KIF5A: variants seen among roughly 807,000 people sequenced by gnomAD.
KIF5A encodes the protein kinesin heavy chain isoform 5A.
A neutral mutation model predicts 141.3 loss-of-function variants in KIF5A; 35 were observed. The observed-to-expected ratio is 0.25, with a 90% CI of 0.19 to 0.33. The LOEUF is 0.33. Ranked by LOEUF, KIF5A falls within the 10% of genes least tolerant of loss-of-function variation. The pLI is 1.00. For missense variants in KIF5A, 861 were observed against 1,314.3 expected (o/e 0.66, Z 5.33); for synonymous variants, 448 against 500.2 (o/e 0.90, Z 1.39).
intron 1 of KIF5A, among the ~76,000 whole-genome samples, chr12:57,551,872 GTCTCTCTCTCTC>G (rs57562029): frequency 1.2e-4 from 18 of 145,774 alleles, no homozygotes; most frequent in Non-Finnish European, 1.5e-4. Context: ...GATGCTTTTG[GTCTCTCTCTCTC>G]TCTCTCTCTC....
Position 57,564,909 on chromosome 12 carries a change from T to G in KIF5A, c.446-9T>G, listed in dbSNP as rs1882016889. ...CTAGTCTTGCTTACCCTGCATTCTT[T>G]TGATTCAGTGACCAAGACAAATCTG... On this transcript the variant is annotated splice_polypyrimidine_tract_variant and intron_variant, in intron 5 of 28. Transcript: ENST00000455537. The G allele has an allele frequency of 1.2e-6, 2 of 1,614,068 alleles. No individual in the cohort carries two copies. The highest frequency in any genetic ancestry group is 1.7e-6 in the Non-Finnish European group (2 of 1,179,948).
intron 13 of KIF5A, among the ~76,000 whole-genome samples, chr12:57,571,663 A>T (rs1882259442): frequency 6.6e-6 from 1 of 151,482 alleles, no homozygotes; most frequent in South Asian, 2.1e-4. Context: ...TCGATCTTCC[A>T]GGGTCAAGCA....
At chr12:57,553,329 A>T (rs535825959) in intron 1 of KIF5A, among the ~76,000 whole-genome samples, 2 of 152,270 alleles carry the variant, frequency 1.3e-5, no homozygotes, top group Admixed American at 1.3e-4. Flanking sequence ...CCCAATGGTT[A>T]AGTGGGTTCT....
intron 19 of KIF5A, 59 bp from the exon 20 acceptor site, chr12:57,576,701 TC>T: frequency 7.9e-7 from 1 of 1,261,320 alleles, no homozygotes; most frequent in East Asian, 2.3e-5. Flanking sequence ...GAGCTGGCCT[TC>T]CCTTCCCCCT....
chr12:57,569,853 C>T, intron 11 of KIF5A, 134 bp from the exon 12 acceptor site: 3 of 1,363,676 alleles, frequency 2.2e-6, no homozygotes, highest in Non-Finnish European at 3.0e-6. Flanking sequence ...GCCTGACTAC[C>T]TACCTCCCAT....
In KIF5A at chr12:57,575,285, G is replaced by A. The variant is rs1346949879; in HGVS notation, c.1905+13G>A. The A allele has an allele frequency of 2.5e-6, 4 of 1,611,666 alleles. No individual in the cohort carries two copies. In the African/African-American group the frequency reaches 4.0e-5, roughly 16 times the overall value. The stretch of plus-strand genomic sequence containing the variant: ...CCTCATCTCTCAGGTGAGTGCCTAA[G>A]TTTGAGAACCTTCAGATGCCATGGG... On this transcript the variant is annotated intron_variant, in intron 16 of 28. Coordinates refer to ENST00000455537, the MANE Select transcript of KIF5A (RefSeq NM_004984.4).
chr12:57,564,823 C>T, intron 5 of KIF5A, 95 bp from the exon 6 acceptor site: 1 of 1,191,904 alleles, frequency 8.4e-7, no homozygotes, highest in Non-Finnish European at 1.2e-6. Flanking sequence ...CTTCCTTTAG[C>T]ACAGAGAAGA....
In KIF5A at chr12:57,550,585, C is replaced by G. The variant is rs1881541135; in HGVS notation, c.129+185C>G. Among the ~76,000 whole-genome samples, 1 of 152,194 alleles carries G rather than the reference C, an allele frequency of 6.6e-6. No individual in the cohort carries two copies. The highest frequency in any genetic ancestry group is 2.1e-4 in the South Asian group (1 of 4,828). On this transcript the variant is annotated intron_variant, in intron 1 of 28. Transcript: ENST00000455537. The surrounding 1 kb of genome is among the most constrained non-coding windows in gnomAD (Gnocchi z 4.6). ...GCTGGGTGTGGCCTGGCCAGGCCAG[C>G]GGCCGAGTCTCTGCAGAGTGGCAGG...
chr12:57,578,495 A>G (rs1216529226), intron 23 of KIF5A, among the ~76,000 whole-genome samples, 153 bp downstream of exon 23: 2 of 152,026 alleles, frequency 1.3e-5, no homozygotes, highest in Non-Finnish European at 2.9e-5. Flanking sequence ...TTTATACCAT[A>G]TTTGGTCCAC....
chr12:57,560,291 C>T (rs551828522), intron 1 of KIF5A, among the ~76,000 whole-genome samples: 29 of 152,276 alleles, frequency 1.9e-4, no homozygotes, highest in Middle Eastern at 3.4e-3. Flanking sequence ...AATGTTACTC[C>T]TTTAAGTCGT....
chr12:57,562,832 T>G (rs866186081), intron 1 of KIF5A, among the ~76,000 whole-genome samples: 2 of 152,280 alleles, frequency 1.3e-5, no homozygotes, highest in Middle Eastern at 3.4e-3. Context: ...GGCCCTATTG[T>G]CTTTTTTCAT....
chr12:57,563,977 A>G (rs528338095), intron 3 of KIF5A, 131 bp from the exon 4 acceptor site: 4 of 745,174 alleles, frequency 5.4e-6, no homozygotes, highest in Non-Finnish European at 9.6e-6. Flanking sequence ...AAAGGCAGAC[A>G]TGGTGGTGAC....
intron 1 of KIF5A, among the ~76,000 whole-genome samples, chr12:57,559,682 C>T (rs1156595135): frequency 6.6e-6 from 1 of 152,166 alleles, no homozygotes; most frequent in Non-Finnish European, 1.5e-5. Flanking sequence ...TTCATATCCT[C>T]TTCCTGTAAA....
chr12:57,581,428 G>A lies in KIF5A; in HGVS notation c.2769G>A (p.Arg923=), dbSNP rs35225609. ...GHSAQIAKPV[R]PGHYPASSPT... Reference sequence around the variant, plus strand: ...TCTTTATTGCAGCCAAACCCGTCCGGCCTGGCCACTACCCAGCATCCTCAC... The same window carrying A: ...TCTTTATTGCAGCCAAACCCGTCCGACCTGGCCACTACCCAGCATCCTCAC... The change falls in exon 25 of 29, where the codon CGG becomes CGA. Residue 923 remains arginine, a synonymous_variant. Coordinates refer to ENST00000455537, the MANE Select transcript of KIF5A (RefSeq NM_004984.4). 5.8e-3 allele frequency: 9,357 copies of A among 1,613,844 alleles called. 40 individuals are homozygous for A. The highest frequency in any genetic ancestry group is 7.3e-3 in the Non-Finnish European group (8,569 of 1,179,996).
chr12:57,569,514 G>A (rs779949921), intron 10 of KIF5A, 21 bp from the exon 11 acceptor site: 2 of 1,613,896 alleles, frequency 1.2e-6, no homozygotes, highest in Non-Finnish European at 1.7e-6. Flanking sequence ...TCATTTCTTT[G>A]TTCCTCTTCT....
intron 12 of KIF5A, 134 bp downstream of exon 12, chr12:57,570,296 A>G (rs1310316784): frequency 1.0e-5 from 8 of 767,534 alleles, no homozygotes; most frequent in African/African-American, 7.0e-5. Flanking sequence ...GGAAACATCA[A>G]TATAAATGTA....
chr12:57,576,467 T>C, intron 19 of KIF5A, 89 bp downstream of exon 19: 1 of 996,494 alleles, frequency 1.0e-6, no homozygotes, highest in East Asian at 2.4e-5. Context: ...TCTGATTCTT[T>C]AACATCCATG....
rs138475832 is a variant in KIF5A at position 57,572,724 on chromosome 12, C to T, written c.1714C>T (p.Leu572=). 147 of 1,614,068 alleles carry T rather than the reference C, an allele frequency of 9.1e-5. No homozygotes were observed. The highest frequency in any genetic ancestry group is 1.6e-4 in the Middle Eastern group (1 of 6,084). Residue 572 remains leucine, a splice_region_variant and synonymous_variant, in exon 15 of 29, where the codon CTG becomes TTG. Coordinates refer to ENST00000455537, the MANE Select transcript of KIF5A (RefSeq NM_004984.4). This position sits in a 1 kb window ranked among gnomAD's most constrained non-coding sequence, Gnocchi z 4.2. ...CATTGTGGGCAACGGGGAGATTAAG[C>T]TGGTGAGTGGTGAGAGACAGCAGCC... ...SVIVGNGEIK[L]PVEISGAIEE... is the part of the protein sequence containing the mutation.
intron 15 of KIF5A, among the ~76,000 whole-genome samples, chr12:57,574,081 CAA>C (rs1160470796): frequency 6.5e-4 from 42 of 64,274 alleles, no homozygotes; most frequent in African/African-American, 1.4e-3. Flanking sequence ...GACTCTGTCT[CAA>C]AAAAAAAAAA....
Sources: gnomAD v4.1 joint callset for allele counts (sites outside exome capture counted in the v4.1 genomes callset) on GRCh38, gnomAD v4.1.1 for gene constraint, Gnocchi (gnomAD v3.1) non-coding constraint, MANE v1.5 for transcripts, NCBI Gene and HGNC (gene_info 2026-07-23, HGNC 2026-07-21) for gene names.